The following PRKACA variants were observed in gnomAD, a reference collection of about 807,000 sequenced individuals.
PRKACA encodes the protein protein kinase cAMP-activated catalytic subunit alpha, also known as cAMP-dependent protein kinase catalytic subunit alpha.
In PRKACA, 9 loss-of-function variants were observed where a neutral mutation model predicts 45.8. That is an observed-to-expected ratio of 0.20 (90% CI 0.12 to 0.34). PRKACA has a LOEUF of 0.34. Among genes scored for constraint, PRKACA ranks in the 10% least tolerant of loss-of-function variants. The pLI, the probability that PRKACA is intolerant of heterozygous loss-of-function variation, is 1.00. For synonymous variants in PRKACA, 160 were observed against 178.6 expected (o/e 0.90, Z 0.83); for missense variants, 238 against 458.6 (o/e 0.52, Z 4.39).
Position 14,093,061 on chromosome 19 carries a change from CA to C in PRKACA, c.*50del, listed in dbSNP as rs754820234. 51 of 1,350,642 alleles carry C rather than the reference CA, an allele frequency of 3.8e-5. No individual in the cohort carries two copies. Among genetic ancestry groups the C allele is most frequent in the Middle Eastern group, 2.5e-4 (1 of 4,050 alleles). The allele number at this position is 1,350,642 out of a possible 1,614,324, so 83.7% of individuals were successfully genotyped here. A position where few individuals can be genotyped will look rare whatever the true frequency, so the allele number is the denominator to read the frequency against. ...AATCCAACCCTCCCACCCCCCCGAC[CA>C]AAAAAAAGAAAAAAGAAAAAAGAAA... is the stretch of plus-strand genomic sequence containing the variant. On this transcript the variant is annotated 3_prime_UTR_variant, in exon 10 of 10. Coordinates refer to ENST00000308677, the MANE Select transcript of PRKACA (RefSeq NM_002730.4).
chr19:14,105,893 C>A (rs1267307308), intron 3 of PRKACA, among the ~76,000 whole-genome samples: 1 of 152,222 alleles, frequency 6.6e-6, no homozygotes, highest in African/African-American at 2.4e-5. Context: ...CACATAAACA[C>A]CACTTCCCCC....
chr19:14,108,256 A>C lies in PRKACA; in HGVS notation c.47-847T>G, dbSNP rs1052186858. ...TTTGGGTAACTGATCTCACCTCTCTAGGCCTCAGTTTTCCTCATCTGTAAA... is the reference window on the plus strand; with the variant it reads ...TTTGGGTAACTGATCTCACCTCTCTCGGCCTCAGTTTTCCTCATCTGTAAA... On this transcript the variant is annotated intron_variant, in intron 1 of 9. Coordinates refer to ENST00000308677, the MANE Select transcript of PRKACA (RefSeq NM_002730.4). The C allele has an allele frequency of 2.8e-5, 18 of 642,864 alleles. No individual in the cohort carries two copies. In the African/African-American group the frequency reaches 3.6e-4, roughly 13 times the overall value. The allele number at this position is 642,864 out of a possible 1,614,324, so 39.8% of individuals were successfully genotyped here. A position where few individuals can be genotyped will look rare whatever the true frequency, so the allele number is the denominator to read the frequency against.
intron 9 of PRKACA, 80 bp downstream of exon 9, chr19:14,093,548 C>T: frequency 6.6e-7 from 1 of 1,505,096 alleles, no homozygotes; most frequent in Non-Finnish European, 9.0e-7. Context: ...GTGTTCTCTT[C>T]TCTATTTCTC....
intron 1 of PRKACA, among the ~76,000 whole-genome samples, chr19:14,116,034 G>C (rs1285756955): frequency 6.6e-6 from 1 of 152,156 alleles, no homozygotes; most frequent in Non-Finnish European, 1.5e-5. Context: ...GTGACTCTGA[G>C]TTCTGCTATT....
In PRKACA at chr19:14,109,995, T is replaced by C. The variant is rs1365781639; in HGVS notation, c.47-2586A>G. 6.3e-3 allele frequency among the ~76,000 whole-genome samples: 504 copies of C among 79,576 alleles called. 1 individual carries two copies. Among genetic ancestry groups the C allele is most frequent in the African/African-American group, 0.012 (168 of 14,402 alleles). 52.2% of individuals were successfully genotyped at this position (79,576 alleles called of 152,430 possible). A position where few individuals can be genotyped will look rare whatever the true frequency, so the allele number is the denominator to read the frequency against. On this transcript the variant is annotated intron_variant, in intron 1 of 9. Transcript: ENST00000308677. ...ATATATATATATATATATATATATA[T>C]ATATACACACACACACACACACACA...
At chr19:14,113,964 C>T (rs1244613519) in intron 1 of PRKACA, among the ~76,000 whole-genome samples, 2 of 152,194 alleles carry the variant, frequency 1.3e-5, no homozygotes, top group Non-Finnish European at 2.9e-5. Context: ...TCCCCTCTCT[C>T]TTCCCCAGGC....
rs3729858 is a variant in PRKACA, at chr19:14,093,715, G to C, written c.843C>G (p.Arg281=). 1,578 of 1,614,162 alleles carry C rather than the reference G, an allele frequency of 9.8e-4. 12 individuals are homozygous for C. In the African/African-American group the frequency reaches 0.019, roughly 20 times the overall value. The change falls in exon 9 of 10, where the codon CGC becomes CGG. Residue 281 remains arginine, a synonymous_variant. Transcript: ENST00000308677. ...TGACCCCATTCTTGAGGTTCCCAAA[G>C]CGCTTGGTGAGATCTACCTGCAGGA... The part of the protein sequence containing the change: ...RNLLQVDLTK[R]FGNLKNGVND...
At chr19:14,099,589 CTTT>C (rs1201287283) in intron 5 of PRKACA, among the ~76,000 whole-genome samples, 3 of 132,652 alleles carry the variant, frequency 2.3e-5, no homozygotes, top group Non-Finnish European at 3.3e-5. Context: ...CCACACCTGA[CTTT>C]TTTTTTTTTT....
chr19:14,094,185 GAAAAAAAAAA>G (rs940405502), intron 8 of PRKACA, among the ~76,000 whole-genome samples: 1,138 of 58,964 alleles, frequency 0.019, 26 homozygotes, highest in African/African-American at 0.062. Flanking sequence ...TTCTTTTTTT[GAAAAAAAAAA>G]AAAAAAAAAA....
At chr19:14,115,453 C>T (rs979183956) in intron 1 of PRKACA, among the ~76,000 whole-genome samples, 1 of 152,124 alleles carries the variant, frequency 6.6e-6, no homozygotes, top group Non-Finnish European at 1.5e-5. Context: ...GTGAATCCTG[C>T]CTCTGTGACA....
chr19:14,100,985 G>C (rs1200948732), intron 4 of PRKACA, 77 bp from the exon 5 acceptor site: 2 of 1,302,078 alleles, frequency 1.5e-6, no homozygotes, highest in African/African-American at 1.5e-5. Context: ...GGCCTCCCCG[G>C]CTGGTGTTCA....
chr19:14,097,494 A>G lies in PRKACA; in HGVS notation c.643-11T>C. 6.2e-7 allele frequency: 1 copy of G among 1,613,778 alleles called. No homozygotes were observed. Among genetic ancestry groups the G allele is most frequent in the Non-Finnish European group, 8.5e-7 (1 of 1,179,908 alleles). On this transcript the variant is annotated splice_polypyrimidine_tract_variant and intron_variant, in intron 7 of 9. Coordinates refer to ENST00000308677, the MANE Select transcript of PRKACA (RefSeq NM_002730.4). The surrounding 1 kb of genome is among the most constrained non-coding windows in gnomAD (Gnocchi z 5.4). Reference sequence around the variant, plus strand: ...GGCCTTGTTGTAGCCCTGGAGCAAGATGGGGGGGCACAGGGTGAGGAGGAG... The same window carrying G: ...GGCCTTGTTGTAGCCCTGGAGCAAGGTGGGGGGGCACAGGGTGAGGAGGAG...
intron 1 of PRKACA, among the ~76,000 whole-genome samples, chr19:14,116,876 C>T (rs1320031536): frequency 2.6e-5 from 4 of 151,848 alleles, no homozygotes; most frequent in Non-Finnish European, 4.4e-5. Flanking sequence ...CCAGAAAGAT[C>T]CTGTCCCCCA....
rs943597130 is a variant in PRKACA, at chr19:14,102,219, C to G, written c.336+597G>C. ...CAGCAGCAGCAGCAAAGCGTTAAAC[C>G]AGGTGTGGGGTCCCTCGGAGAACAG... is the stretch of plus-strand genomic sequence containing the variant. On this transcript the variant is annotated intron_variant, in intron 4 of 9. Coordinates refer to ENST00000308677, the MANE Select transcript of PRKACA (RefSeq NM_002730.4). Among the ~76,000 whole-genome samples, 3 of 151,110 alleles carry G rather than the reference C, an allele frequency of 2.0e-5. No homozygotes were observed. In the East Asian group the frequency reaches 5.8e-4, roughly 29 times the overall value.
intron 8 of PRKACA, among the ~76,000 whole-genome samples, chr19:14,095,361 G>A (rs894560919): frequency 6.6e-6 from 1 of 151,882 alleles, no homozygotes; most frequent in Admixed American, 6.6e-5. Flanking sequence ...AGTAGAGACG[G>A]GGTTTCACCA....
At chr19:14,116,557 A>G (rs922709477) in intron 1 of PRKACA, among the ~76,000 whole-genome samples, 8 of 152,104 alleles carry the variant, frequency 5.3e-5, no homozygotes, top group African/African-American at 1.9e-4. Flanking sequence ...AGCCCCAGGG[A>G]CTGGGTGAAT....
rs1977139477 is a variant in PRKACA, at chr19:14,093,145, A to G, written c.1023T>C (p.Asn341=). ...YEEEEIRVSI[N]EKCGKEFSEF is the part of the protein sequence containing the mutation. Reference sequence around the variant, plus strand: ...CAGAAAACTCCTTGCCACACTTCTCATTGATGGAGACCCGGATTTCTTCTT... The same window carrying G: ...CAGAAAACTCCTTGCCACACTTCTCGTTGATGGAGACCCGGATTTCTTCTT... The change falls in exon 10 of 10, where the codon AAT becomes AAC. Residue 341 remains asparagine, a synonymous_variant. Transcript: ENST00000308677. 1.2e-6 allele frequency: 2 copies of G among 1,612,260 alleles called. No individual in the cohort carries two copies. Among genetic ancestry groups the G allele is most frequent in the Non-Finnish European group, 8.5e-7 (1 of 1,179,810 alleles).
intron 1 of PRKACA, 32 bp downstream of exon 1, chr19:14,117,470 G>A: frequency 8.0e-7 from 1 of 1,257,374 alleles, no homozygotes; most frequent in East Asian, 3.1e-5. Flanking sequence ...GCAGCGCAGG[G>A]CCAAGATCGG....
rs774495964 is a variant in PRKACA, at chr19:14,106,881, G to C, written c.116C>G (p.Ala39Gly). ...KKWESPAQNT[A>G]HLDQFERIKT... ...GATTCGTTCAAACTGATCCAAGTGG[G>C]CTGTGTTCTGTGGGCAGAGGGGTCG... The change falls in exon 3 of 10, where the codon GCC (alanine) becomes GGC (glycine). Residue 39 changes from alanine (A) to glycine (G), a missense_variant. By Grantham distance (60) the Ala-to-Gly change is moderately conservative (BLOSUM62 0). Coordinates refer to ENST00000308677, the MANE Select transcript of PRKACA (RefSeq NM_002730.4). 1 of 1,614,184 alleles carries C rather than the reference G, an allele frequency of 6.2e-7. No individual in the cohort carries two copies. Among genetic ancestry groups the C allele is most frequent in the Non-Finnish European group, 8.5e-7 (1 of 1,180,000 alleles).
Sources: gnomAD v4.1 joint callset for allele counts (sites outside exome capture counted in the v4.1 genomes callset) on GRCh38, gnomAD v4.1.1 for gene constraint, Gnocchi (gnomAD v3.1) non-coding constraint, MANE v1.5 for transcripts, NCBI Gene and HGNC (gene_info 2026-07-23, HGNC 2026-07-21) for gene names.